The following EIPR1 variants were observed in gnomAD, a reference collection of about 807,000 sequenced individuals.
The protein encoded by EIPR1 is EARP complex and GARP complex interacting protein 1.
Under a neutral mutation model 48.1 loss-of-function variants are expected in EIPR1, and 25 were observed. That is an observed-to-expected ratio of 0.52 (90% CI 0.38 to 0.73). EIPR1 has a LOEUF of 0.73. Among genes scored for constraint, EIPR1 ranks in the 30% least tolerant of loss-of-function variants. The pLI, the probability that EIPR1 is intolerant of heterozygous loss-of-function variation, is 0.00. For synonymous variants in EIPR1, 204 were observed against 201.9 expected, an observed-to-expected ratio of 1.01 and a Z score of -0.09; for missense variants, 415 against 506.2, an observed-to-expected ratio of 0.82 and a Z score of 1.73.
rs145393989 is a variant in EIPR1 at position 3,363,396 on chromosome 2, A to G, written c.43-8763T>C. On this transcript the variant is annotated intron_variant, in intron 1 of 8. Coordinates refer to ENST00000382125, the MANE Select transcript of EIPR1 (RefSeq NM_003310.5). ...ATGAAGGAATCATCTTTCTAAAAAC[A>G]GGGAAGAGAAGAAAAGCAGCCAAGC... Among the ~76,000 whole-genome samples the G allele has an allele frequency of 3.3e-3, 501 of 152,338 alleles. 12 individuals are homozygous for G. The highest frequency in any genetic ancestry group is 0.028 in the Admixed American group (435 of 15,308).
chr2:3,292,627 G>A (rs1012267723), intron 3 of EIPR1, among the ~76,000 whole-genome samples: 7 of 152,272 alleles, frequency 4.6e-5, no homozygotes, highest in Admixed American at 1.3e-4. Flanking sequence ...TGCCAGAGCC[G>A]GAACTCAAAT....
In EIPR1 at chr2:3,286,747, C is replaced by A. The variant is rs955618185; in HGVS notation, c.260-29292G>T. On this transcript the variant is annotated intron_variant, in intron 3 of 8. Transcript: ENST00000382125. This position sits in a 1 kb window ranked among gnomAD's most constrained non-coding sequence, Gnocchi z 4.2. Reference sequence around the variant, plus strand: ...CCACGTGCTGAGTCCATCCTCCCAGCAGCTCCAAGAGGCGGAGCTATCAAT... The same window carrying A: ...CCACGTGCTGAGTCCATCCTCCCAGAAGCTCCAAGAGGCGGAGCTATCAAT... Among the ~76,000 whole-genome samples the A allele has an allele frequency of 1.3e-5, 2 of 152,240 alleles. No individual in the cohort carries two copies. Among genetic ancestry groups the A allele is most frequent in the African/African-American group, 4.8e-5 (2 of 41,468 alleles).
intron 3 of EIPR1, among the ~76,000 whole-genome samples, chr2:3,311,841 G>A (rs1175452434): frequency 6.6e-6 from 1 of 152,126 alleles, no homozygotes; most frequent in African/African-American, 2.4e-5. Context: ...ACCAGAGGTG[G>A]GAGGGGAGCT....
At chr2:3,285,227 G>A (rs1668142665) in intron 3 of EIPR1, among the ~76,000 whole-genome samples, 1 of 152,122 alleles carries the variant, frequency 6.6e-6, no homozygotes, top group African/African-American at 2.4e-5. Context: ...ACAGGGCAGG[G>A]GAGAAGCAGG....
At chr2:3,291,543 T>C (rs554261199) in intron 3 of EIPR1, among the ~76,000 whole-genome samples, 84 of 152,298 alleles carry the variant, frequency 5.5e-4, no homozygotes, top group Non-Finnish European at 9.7e-4. Flanking sequence ...ATTTAAAAGA[T>C]AGTTTTATCT....
intron 3 of EIPR1, among the ~76,000 whole-genome samples, chr2:3,284,634 T>C (rs533829573): frequency 1.3e-5 from 2 of 152,402 alleles, no homozygotes; most frequent in Admixed American, 6.5e-5. Context: ...GCAGATGTTA[T>C]TTCCATTCTG....
At chr2:3,375,080 G>A (rs915315848) in intron 1 of EIPR1, among the ~76,000 whole-genome samples, 1 of 151,372 alleles carries the variant, frequency 6.6e-6, no homozygotes, top group African/African-American at 2.4e-5. Context: ...GTCCTTTGTA[G>A]GGACGTGGAT....
At chr2:3,219,283 T>C in intron 4 of EIPR1, among the ~76,000 whole-genome samples, 1 of 146,698 alleles carries the variant, frequency 6.8e-6, no homozygotes, top group Non-Finnish European at 1.5e-5. Context: ...ACGACCCTGG[T>C]ATACTCTAGA....
intron 3 of EIPR1, among the ~76,000 whole-genome samples, chr2:3,333,693 A>G (rs1006727661): frequency 4.0e-5 from 6 of 149,168 alleles, no homozygotes; most frequent in African/African-American, 1.2e-4. Flanking sequence ...GTGAGCCAAG[A>G]TTGTGCCACT....
intron 3 of EIPR1, among the ~76,000 whole-genome samples, chr2:3,327,013 C>T (rs1052531770): frequency 3.3e-5 from 5 of 152,266 alleles, no homozygotes; most frequent in Middle Eastern, 3.4e-3. Flanking sequence ...GGCAGGCAGC[C>T]GCGTCCAGGC....
At chr2:3,377,521 G>A (rs1659932527) in intron 1 of EIPR1, 127 bp downstream of exon 1, 2 of 1,227,244 alleles carry the variant, frequency 1.6e-6, no homozygotes, top group South Asian at 2.9e-5. Context: ...CTGCAAAATG[G>A]GAACTAGGGA....
In EIPR1 at chr2:3,345,284, T is replaced by TA. The variant is rs1025354450; in HGVS notation, c.127-7136dup. On this transcript the variant is annotated intron_variant, in intron 2 of 8. Coordinates refer to ENST00000382125, the MANE Select transcript of EIPR1 (RefSeq NM_003310.5). ...TCAGAAAGATACAAGTAGAACTCTA[T>TA]AAAAAAAAAATTATTGGGGCATAAT... Among the ~76,000 whole-genome samples the TA allele has an allele frequency of 3.6e-3, 533 of 149,938 alleles. 6 individuals are homozygous for TA. The highest frequency in any genetic ancestry group is 0.012 in the African/African-American group (510 of 40,824).
chr2:3,242,461 C>T (rs1284271834), intron 4 of EIPR1, among the ~76,000 whole-genome samples: 4 of 127,112 alleles, frequency 3.1e-5, no homozygotes, highest in East Asian at 4.9e-4. Context: ...TTCAGGCCCC[C>T]GACTCCACAC....
chr2:3,330,830 G>A (rs578237406), intron 3 of EIPR1, among the ~76,000 whole-genome samples: 29 of 149,678 alleles, frequency 1.9e-4, no homozygotes, highest in Admixed American at 1.4e-3. Context: ...GTGTACACTC[G>A]AGATGGTGTG....
At chr2:3,237,580 T>C (rs901394239) in intron 4 of EIPR1, among the ~76,000 whole-genome samples, 2 of 152,200 alleles carry the variant, frequency 1.3e-5, no homozygotes. Context: ...CGCTAGGGTC[T>C]TGGAACAGGG....
intron 4 of EIPR1, among the ~76,000 whole-genome samples, chr2:3,234,177 G>A (rs1343378866): frequency 2.0e-5 from 3 of 152,212 alleles, no homozygotes; most frequent in African/African-American, 7.2e-5. Flanking sequence ...TTGCAGGAAT[G>A]AGGGCACATG....
At position 3,338,062 on chromosome 2, in the gene EIPR1, C is replaced by G; in HGVS notation, c.214G>C (p.Ala72Pro). The stretch of plus-strand genomic sequence containing the variant: ...AGCACACCTCTGTCTGCAGGGCTAG[C>G]GCTAATATGCCAGATTTCACCCGCT... ...HQAGEIWHIS[A>P]SPADRGVLTT... The change falls in exon 3 of 9, where the codon GCT becomes CCT. Residue 72 changes from alanine to proline, a missense_variant. Ala to Pro is a conservative substitution (Grantham distance 27). Coordinates refer to ENST00000382125, the MANE Select transcript of EIPR1 (RefSeq NM_003310.5). The G allele has an allele frequency of 6.2e-6, 10 of 1,612,930 alleles. No homozygotes were observed. Among genetic ancestry groups the G allele is most frequent in the Non-Finnish European group, 8.5e-6 (10 of 1,179,828 alleles).
intron 3 of EIPR1, among the ~76,000 whole-genome samples, chr2:3,258,829 G>GA (rs955085513): frequency 2.0e-5 from 3 of 151,760 alleles, no homozygotes; most frequent in Admixed American, 6.6e-5. Flanking sequence ...ATGGCTTAAA[G>GA]AAAAAAAACT....
intron 3 of EIPR1, among the ~76,000 whole-genome samples, chr2:3,337,210 C>A (rs1670094280): frequency 6.6e-6 from 1 of 152,126 alleles, no homozygotes; most frequent in Non-Finnish European, 1.5e-5. Flanking sequence ...TCGGGATGTC[C>A]TGGTGACCAG....
Sources: gnomAD v4.1 joint callset for allele counts (sites outside exome capture counted in the v4.1 genomes callset) on GRCh38, gnomAD v4.1.1 for gene constraint, Gnocchi (gnomAD v3.1) non-coding constraint, MANE v1.5 for transcripts, NCBI Gene and HGNC (gene_info 2026-07-23, HGNC 2026-07-21) for gene names.